The following GCKR variants were observed in gnomAD, a reference collection of about 807,000 sequenced individuals.
The protein encoded by GCKR is glucokinase regulatory protein.
Under a neutral mutation model 82.9 loss-of-function variants are expected in GCKR, and 73 were observed. That is an observed-to-expected ratio of 0.88 (90% CI 0.73 to 1.07). The LOEUF is 1.07. Ranked by LOEUF, GCKR falls within the 50% of genes least tolerant of loss-of-function variation. The pLI, the probability that GCKR is intolerant of heterozygous loss-of-function variation, is 0.00. For missense variants in GCKR, 784 were observed against 782.1 expected, an observed-to-expected ratio of 1.00 and a Z score of -0.03; for synonymous variants, 294 against 291.8, an observed-to-expected ratio of 1.01 and a Z score of -0.08.
At chr2:27,508,276 C>T (rs1481734962) in intron 16 of GCKR, 25 bp downstream of exon 16, 1 of 1,399,852 alleles carries the variant, frequency 7.1e-7, no homozygotes, top group African/African-American at 1.4e-5. Flanking sequence ...AAGGTCCTAT[C>T]TGCAGTAAGG....
chr2:27,500,742 T>C (rs559691748), intron 7 of GCKR, among the ~76,000 whole-genome samples: 1 of 152,342 alleles, frequency 6.6e-6, no homozygotes, highest in South Asian at 2.1e-4. Context: ...TGAGAAGCAC[T>C]GAGCCAGATG....
intron 17 of GCKR, among the ~76,000 whole-genome samples, chr2:27,521,929 G>A (rs926412524): frequency 1.3e-5 from 2 of 151,654 alleles, no homozygotes; most frequent in African/African-American, 4.8e-5. Flanking sequence ...TTGCTGTGTT[G>A]CCTAGGCTGG....
chr2:27,519,582 G>A (rs1317108680), intron 17 of GCKR, among the ~76,000 whole-genome samples: 4 of 152,238 alleles, frequency 2.6e-5, no homozygotes, highest in Non-Finnish European at 4.4e-5. Flanking sequence ...GATTACAGGC[G>A]TGAGTCACTG....
chr2:27,515,994 C>G (rs1402612160), intron 16 of GCKR, among the ~76,000 whole-genome samples: 1 of 141,772 alleles, frequency 7.1e-6, no homozygotes, highest in Non-Finnish European at 1.5e-5. Context: ...ACACGCTGGT[C>G]TCAAATCCCT....
At position 27,506,513 on chromosome 2, in the gene GCKR, G is replaced by A. The variant is rs748126408; in HGVS notation, c.902G>A (p.Arg301Gln). Residue 301 changes from arginine (R) to glutamine (Q), a missense_variant, in exon 11 of 19, where the codon CGA becomes CAA. By Grantham distance (43) the Arg-to-Gln change is conservative. Transcript: ENST00000264717. ...CLLEILRTFE[R>Q]AHQVTYSQSP... ...CTGGAAATCTTGCGGACATTTGAGC[G>A]AGCTCATCAGGTGACCTACAGCCAA... is the stretch of plus-strand genomic sequence containing the variant. The A allele has an allele frequency of 2.2e-5, 36 of 1,613,736 alleles. No individual in the cohort carries two copies. The highest frequency in any genetic ancestry group is 3.3e-4 in the Middle Eastern group (2 of 6,080).
intron 16 of GCKR, among the ~76,000 whole-genome samples, chr2:27,510,714 T>C (rs1669861170): frequency 6.6e-6 from 1 of 152,198 alleles, no homozygotes; most frequent in Non-Finnish European, 1.5e-5. Context: ...TTAATTATTG[T>C]GTAGGTGGAC....
chr2:27,522,445 C>G lies in GCKR; in HGVS notation c.1573-15C>G, dbSNP rs751076621. ...GGCCTTTAGCCTGACACTGATCTTA[C>G]CACTTCTTCCTTAGCGGTTCTCTGG... On this transcript the variant is annotated splice_polypyrimidine_tract_variant and intron_variant, in intron 17 of 18. Coordinates refer to ENST00000264717, the MANE Select transcript of GCKR (RefSeq NM_001486.4). 1 of 1,613,614 alleles carries G rather than the reference C, an allele frequency of 6.2e-7. No homozygotes were observed. Among genetic ancestry groups the G allele is most frequent in the Non-Finnish European group, 8.5e-7 (1 of 1,179,562 alleles).
intron 16 of GCKR, among the ~76,000 whole-genome samples, chr2:27,517,225 G>C (rs1466902903): frequency 6.6e-6 from 1 of 152,020 alleles, no homozygotes; most frequent in African/African-American, 2.4e-5. Context: ...TGTTAGCCAG[G>C]ATGGTCTCAA....
At chr2:27,523,147 C>T (rs780663791) in intron 18 of GCKR, 122 bp from the exon 19 acceptor site, 106 of 783,752 alleles carry the variant, frequency 1.4e-4, no homozygotes, top group Non-Finnish European at 2.0e-4. Flanking sequence ...GATCTGCCCA[C>T]CTCGGCCTCC....
At chr2:27,502,526 C>G (rs1669609670) in intron 8 of GCKR, among the ~76,000 whole-genome samples, 1 of 152,114 alleles carries the variant, frequency 6.6e-6, no homozygotes, top group African/African-American at 2.4e-5. Context: ...ACAAAACTCC[C>G]CAGATGATTT....
rs1670074585 is a variant in GCKR, at chr2:27,518,784, T to A, written c.1423-4T>A. On this transcript the variant is annotated splice_region_variant and splice_polypyrimidine_tract_variant and intron_variant, in intron 16 of 18. Transcript: ENST00000264717. ...TGACACCCCCATGTGTCTGCCCTTTTCAGAAGTTCCAGCGTGAGCTAAGCA... is the reference window on the plus strand; with the variant it reads ...TGACACCCCCATGTGTCTGCCCTTTACAGAAGTTCCAGCGTGAGCTAAGCA... The A allele has an allele frequency of 8.7e-6, 14 of 1,612,918 alleles. No homozygotes were observed. The East Asian group carries it at 3.1e-4, about 36-fold the overall frequency.
intron 11 of GCKR, 64 bp from the exon 12 acceptor site, chr2:27,506,724 T>C: frequency 2.6e-6 from 3 of 1,143,202 alleles, no homozygotes; most frequent in Non-Finnish European, 2.7e-6. Flanking sequence ...TGTGTTCTTC[T>C]GTGGACATCT....
chr2:27,516,244 GGTAT>G (rs1297816577), intron 16 of GCKR, among the ~76,000 whole-genome samples: 2 of 145,758 alleles, frequency 1.4e-5, no homozygotes, highest in Non-Finnish European at 3.0e-5. Context: ...GAGGCGTTAT[GGTAT>G]GTTTGGTATC....
intron 10 of GCKR, 49 bp from the exon 11 acceptor site, chr2:27,506,432 T>G (rs780279309): frequency 8.0e-7 from 1 of 1,255,554 alleles, no homozygotes; most frequent in Non-Finnish European, 1.2e-6. Context: ...ACCTAAGCTT[T>G]CTGAGGGGGA....
At chr2:27,501,336 A>G (rs1669571169) in intron 8 of GCKR, 107 bp downstream of exon 8, 2 of 793,362 alleles carry the variant, frequency 2.5e-6, no homozygotes, top group Admixed American at 3.7e-5. Flanking sequence ...TGTTCACCAA[A>G]TCTCAGAATA....
At chr2:27,503,911 G>A (rs573419265) in intron 9 of GCKR, among the ~76,000 whole-genome samples, 9 of 152,128 alleles carry the variant, frequency 5.9e-5, no homozygotes, top group South Asian at 2.1e-4. Context: ...TATAGAGAGC[G>A]TTGAATAGCC....
Position 27,507,127 on chromosome 2 carries a change from C to T in GCKR, c.1067-108C>T, listed in dbSNP as rs8179217. On this transcript the variant is annotated intron_variant, in intron 12 of 18. Coordinates refer to ENST00000264717, the MANE Select transcript of GCKR (RefSeq NM_001486.4). ...CACAAGGGCTACTCCTCACTCTACG[C>T]CCCACTTGCCACTTTTCCTCCCAGT... 3 of 847,692 alleles carry T rather than the reference C, an allele frequency of 3.5e-6. No individual in the cohort carries two copies. The East Asian group carries it at 7.2e-5, about 20-fold the overall frequency. The allele number at this position is 847,692 out of a possible 1,614,324, so 52.5% of individuals were successfully genotyped here.
chr2:27,507,788 A>C lies in GCKR; in HGVS notation c.1240+11A>C. On this transcript the variant is annotated intron_variant, in intron 14 of 18. Coordinates refer to ENST00000264717, the MANE Select transcript of GCKR (RefSeq NM_001486.4). ...TTTTCACCCTGGATGGTGAGAGGGA[A>C]GATGGGAGTGGTGAGGGGTGGGGAG... 1 of 1,478,866 alleles carries C rather than the reference A, an allele frequency of 6.8e-7. No homozygotes were observed. Among genetic ancestry groups the C allele is most frequent in the Non-Finnish European group, 9.5e-7 (1 of 1,056,526 alleles). 91.6% of individuals were successfully genotyped at this position (1,478,866 alleles called of 1,614,324 possible). A position where few individuals can be genotyped will look rare whatever the true frequency, so the allele number is the denominator to read the frequency against.
chr2:27,507,960 C>A lies in GCKR; in HGVS notation c.1241-17C>A, dbSNP rs775364881. On this transcript the variant is annotated splice_polypyrimidine_tract_variant and intron_variant, in intron 14 of 18. Coordinates refer to ENST00000264717, the MANE Select transcript of GCKR (RefSeq NM_001486.4). ...CACAGCCAGCCTTTCGACTCTGATG[C>A]CCTCCCCTTCTCCTAGACAACCTCA... The A allele has an allele frequency of 1.3e-6, 2 of 1,563,976 alleles. No homozygotes were observed. Among genetic ancestry groups the A allele is most frequent in the African/African-American group, 1.4e-5 (1 of 73,992 alleles).
Sources: allele counts gnomAD v4.1 joint callset (sites outside exome capture counted in the v4.1 genomes callset), GRCh38; gene constraint gnomAD v4.1.1; transcripts MANE v1.5; gene names NCBI Gene and HGNC (gene_info 2026-07-23, HGNC 2026-07-21).